Variants in RAD51B observed in about 807,000 individuals in gnomAD.
RAD51B encodes the protein DNA repair protein RAD51 homolog 2.
Under a neutral mutation model 42.2 loss-of-function variants are expected in RAD51B, and 38 were observed. The observed-to-expected ratio is 0.90, with a 90% CI of 0.70 to 1.18. RAD51B has a LOEUF of 1.18. Among genes scored for constraint, RAD51B ranks in the 50% most tolerant of loss-of-function variants. The pLI is 0.00. For synonymous variants in RAD51B, 154 were observed against 145.2 expected (o/e 1.06, Z -0.43); for missense variants, 373 against 400.7 (o/e 0.93, Z 0.59).
chr14:68,532,690 G>A lies in RAD51B; in HGVS notation c.1037-61795G>A, dbSNP rs546769411. 7.8e-4 allele frequency among the ~76,000 whole-genome samples: 118 copies of A among 152,178 alleles called. 1 individual carries two copies. In the South Asian group the frequency reaches 0.012, roughly 15 times the overall value. On this transcript the variant is annotated intron_variant, in intron 10 of 10. Transcript: ENST00000487270. ...AGCTAACCCTTATGTTACACAAACT[G>A]TTTGAGAGTGTAGAAGAAAAGGGAA...
intron 7 of RAD51B, among the ~76,000 whole-genome samples, chr14:67,992,982 A>T (rs2075320941): frequency 2.6e-5 from 4 of 152,154 alleles, no homozygotes. Context: ...TCTGCTAGGT[A>T]CTAGGAAGTT....
intron 8 of RAD51B, among the ~76,000 whole-genome samples, chr14:68,396,295 C>A (rs757748794): frequency 3.3e-5 from 5 of 152,122 alleles, no homozygotes; most frequent in Non-Finnish European, 5.9e-5. Flanking sequence ...TGTCGTTGTC[C>A]CTCTTCCTAT....
At chr14:68,608,141 A>G (rs915549885) in intron 10 of RAD51B, among the ~76,000 whole-genome samples, 4 of 152,340 alleles carry the variant, frequency 2.6e-5, no homozygotes, top group Admixed American at 1.3e-4. Flanking sequence ...GCTGGGCACC[A>G]GCACAGTCTC....
intron 8 of RAD51B, among the ~76,000 whole-genome samples, chr14:68,295,634 G>A (rs2081599743): frequency 6.6e-6 from 1 of 152,122 alleles, no homozygotes; most frequent in Admixed American, 6.5e-5. Flanking sequence ...TGTTGGGGTG[G>A]AAGAGATCTC....
intron 7 of RAD51B, among the ~76,000 whole-genome samples, chr14:67,930,667 G>C (rs2044694961): frequency 1.3e-5 from 2 of 152,156 alleles, no homozygotes; most frequent in African/African-American, 4.8e-5. Flanking sequence ...AATGTGTCAT[G>C]GAGAAGACCT....
At chr14:68,555,983 G>A (rs1312644557) in intron 10 of RAD51B, among the ~76,000 whole-genome samples, 1 of 152,244 alleles carries the variant, frequency 6.6e-6, no homozygotes, top group Non-Finnish European at 1.5e-5. Flanking sequence ...TTCTAAAGGT[G>A]GATGTGCTGA....
At chr14:68,374,305 C>T (rs2083321248) in intron 8 of RAD51B, among the ~76,000 whole-genome samples, 1 of 152,184 alleles carries the variant, frequency 6.6e-6, no homozygotes, top group South Asian at 2.1e-4. Flanking sequence ...GTGCTGTAAG[C>T]TGAACTGGAA....
At chr14:68,320,276 A>G (rs11626138) in intron 8 of RAD51B, among the ~76,000 whole-genome samples, 74,171 of 152,196 alleles carry the variant, frequency 0.49, 21,306 homozygotes, top group South Asian at 0.65. Flanking sequence ...GCACTAGAAG[A>G]TGTTAACTTT....
At chr14:67,995,908 C>T (rs552155971) in intron 7 of RAD51B, among the ~76,000 whole-genome samples, 25 of 152,182 alleles carry the variant, frequency 1.6e-4, no homozygotes, top group Non-Finnish European at 3.1e-4. Context: ...TGAGCCACCG[C>T]GCCCGGCCTA....
At chr14:67,935,463 T>G (rs2044905077) in intron 7 of RAD51B, among the ~76,000 whole-genome samples, 2 of 152,138 alleles carry the variant, frequency 1.3e-5, no homozygotes. Flanking sequence ...CTCCTGGGGT[T>G]GGGTGATTTT....
intron 3 of RAD51B, among the ~76,000 whole-genome samples, chr14:67,832,701 T>A (rs928027211): frequency 2.5e-4 from 38 of 152,328 alleles, no homozygotes; most frequent in African/African-American, 8.4e-4. Context: ...CCTTGCCTTT[T>A]CCTTACTGTT....
At chr14:68,131,804 G>A (rs1450558747) in intron 7 of RAD51B, among the ~76,000 whole-genome samples, 1 of 152,134 alleles carries the variant, frequency 6.6e-6, no homozygotes, top group Non-Finnish European at 1.5e-5. Flanking sequence ...TTTGATAAAT[G>A]TTCATTTAGG....
intron 8 of RAD51B, among the ~76,000 whole-genome samples, chr14:68,360,271 C>T (rs534865956): frequency 1.2e-4 from 19 of 152,310 alleles, no homozygotes; most frequent in African/African-American, 3.6e-4. Context: ...TTGCAGATGC[C>T]GCTCCCTCTC....
intron 7 of RAD51B, among the ~76,000 whole-genome samples, chr14:68,130,359 G>A (rs528650601): frequency 2.0e-3 from 301 of 152,290 alleles, no homozygotes; most frequent in Non-Finnish European, 2.6e-3. Flanking sequence ...GTCTCCTCTT[G>A]CTGTGTTTAA....
chr14:68,090,902 C>T (rs2077084851), intron 7 of RAD51B, among the ~76,000 whole-genome samples: 1 of 130,894 alleles, frequency 7.6e-6, no homozygotes, highest in South Asian at 2.5e-4. Context: ...CTTCCTGTGT[C>T]CATGTGTTCT....
chr14:67,899,503 T>C (rs1347016082), intron 7 of RAD51B, among the ~76,000 whole-genome samples: 1 of 152,232 alleles, frequency 6.6e-6, no homozygotes, highest in Non-Finnish European at 1.5e-5. Context: ...ATAGTTCTTT[T>C]TGTATTACCA....
At chr14:68,469,145 A>G (rs2140235785) in intron 10 of RAD51B, 1 of 508,034 alleles carries the variant, frequency 2.0e-6, no homozygotes, top group Non-Finnish European at 4.0e-6. Context: ...GCCTGACCCT[A>G]GAGGAGCATA....
chr14:68,184,636 AC>A (rs1722802096), intron 7 of RAD51B, among the ~76,000 whole-genome samples: 1 of 151,262 alleles, frequency 6.6e-6, no homozygotes, highest in Non-Finnish European at 1.5e-5. Context: ...AAAAAAAAAA[AC>A]AGGAAGAAGA....
chr14:68,292,042 C>A, intron 8 of RAD51B, 62 bp downstream of exon 8: 4 of 1,399,624 alleles, frequency 2.9e-6, no homozygotes, highest in Non-Finnish European at 4.1e-6. Flanking sequence ...ACTGCCTCTC[C>A]ACCTCCTGTT....
Sources: gnomAD v4.1 joint callset for allele counts (sites outside exome capture counted in the v4.1 genomes callset) on GRCh38, gnomAD v4.1.1 for gene constraint, MANE v1.5 for transcripts, NCBI Gene and HGNC (gene_info 2026-07-23, HGNC 2026-07-21) for gene names.